The following CNBD1 variants were observed in gnomAD, a reference collection of about 807,000 sequenced individuals.
CNBD1 encodes cyclic nucleotide-binding domain-containing protein 1.
A neutral mutation model predicts 54.4 loss-of-function variants in CNBD1; 71 were observed. That is an observed-to-expected ratio of 1.30 (90% CI 1.08 to 1.59). CNBD1 has a LOEUF of 1.59. CNBD1 is among the 40% of genes most tolerant of loss of function. CNBD1 has a pLI of 0.00. For missense variants in CNBD1, 659 were observed against 518.0 expected (o/e 1.27, Z -2.64); for synonymous variants, 182 against 170.7 (o/e 1.07, Z -0.51).
intron 4 of CNBD1, among the ~76,000 whole-genome samples, chr8:87,081,806 T>A (rs1810999947): frequency 6.6e-6 from 1 of 152,058 alleles, no homozygotes; most frequent in Admixed American, 6.6e-5. Context: ...ACGCCTGGCC[T>A]GGATGGACTG....
At chr8:87,027,897 A>G (rs1809687382) in intron 4 of CNBD1, among the ~76,000 whole-genome samples, 1 of 152,188 alleles carries the variant, frequency 6.6e-6, no homozygotes, top group Non-Finnish European at 1.5e-5. Context: ...GTGTGTCCAA[A>G]CGGAAACAGT....
At chr8:87,192,017 G>A (rs1813620746) in intron 4 of CNBD1, among the ~76,000 whole-genome samples, 1 of 152,108 alleles carries the variant, frequency 6.6e-6, no homozygotes, top group African/African-American at 2.4e-5. Context: ...ATATTTCTAT[G>A]TTATTGAGAA....
At chr8:87,083,166 G>A (rs559128619) in intron 4 of CNBD1, among the ~76,000 whole-genome samples, 1 of 152,236 alleles carries the variant, frequency 6.6e-6, no homozygotes, top group East Asian at 1.9e-4. Flanking sequence ...TGACAAAGAA[G>A]AAAATCAAAA....
At chr8:87,183,203 T>C (rs911679778) in intron 4 of CNBD1, among the ~76,000 whole-genome samples, 1 of 152,102 alleles carries the variant, frequency 6.6e-6, no homozygotes, top group African/African-American at 2.4e-5. Flanking sequence ...AAAGAACAGA[T>C]GGTTGTAGGT....
At chr8:86,883,465 A>T (rs1360854892) in intron 1 of CNBD1, among the ~76,000 whole-genome samples, 8 of 152,198 alleles carry the variant, frequency 5.3e-5, no homozygotes, top group Non-Finnish European at 1.0e-4. Context: ...CAAAAAGAGG[A>T]TCTAAGCTGA....
intron 6 of CNBD1, among the ~76,000 whole-genome samples, chr8:87,239,256 A>C (rs1216868865): frequency 1.3e-5 from 2 of 152,192 alleles, no homozygotes; most frequent in Non-Finnish European, 2.9e-5. Flanking sequence ...GATTACTGAT[A>C]AACTTATTTC....
In CNBD1 at chr8:87,382,732, A is replaced by C. The variant is rs1227142089; in HGVS notation, c.*105A>C. 8 of 816,260 alleles carry C rather than the reference A, an allele frequency of 9.8e-6. No individual in the cohort carries two copies. In the East Asian group the frequency reaches 2.2e-4, roughly 23 times the overall value. 50.6% of individuals were successfully genotyped at this position (816,260 alleles called of 1,614,324 possible). A position where few individuals can be genotyped will look rare whatever the true frequency, so the allele number is the denominator to read the frequency against. On this transcript the variant is annotated 3_prime_UTR_variant, in exon 11 of 11. Coordinates refer to ENST00000518476, the MANE Select transcript of CNBD1 (RefSeq NM_173538.3). ...AAACTACCAGCAATGAATTTGGTCTATTGTGACTACATATCCTGGATTCCC... is the reference window on the plus strand; with the variant it reads ...AAACTACCAGCAATGAATTTGGTCTCTTGTGACTACATATCCTGGATTCCC...
At chr8:87,296,380 T>G (rs1168547172) in intron 8 of CNBD1, among the ~76,000 whole-genome samples, 1 of 152,038 alleles carries the variant, frequency 6.6e-6, no homozygotes, top group Non-Finnish European at 1.5e-5. Context: ...AGTAGTCAGT[T>G]AGGTATGTAG....
chr8:87,304,451 A>C (rs905801954), intron 8 of CNBD1, among the ~76,000 whole-genome samples: 2 of 151,886 alleles, frequency 1.3e-5, no homozygotes, highest in African/African-American at 4.8e-5. Context: ...ACACATGGAC[A>C]CAGGAAGGGG....
rs1037662448 is a variant in CNBD1, at chr8:87,198,645, A to G, written c.432-7348A>G. On this transcript the variant is annotated intron_variant, in intron 4 of 10. Transcript: ENST00000518476. Reference sequence around the variant, plus strand: ...GCATGACAACACACAACTTTTGCCAATCAGCAGAAGTTTTTATAGAAATAT... The same window carrying G: ...GCATGACAACACACAACTTTTGCCAGTCAGCAGAAGTTTTTATAGAAATAT... 2.0e-5 allele frequency among the ~76,000 whole-genome samples: 3 copies of G among 152,312 alleles called. No homozygotes were observed. In the South Asian group the frequency reaches 6.2e-4, roughly 32 times the overall value.
chr8:87,087,466 T>C (rs1811123831), intron 4 of CNBD1, among the ~76,000 whole-genome samples: 1 of 145,202 alleles, frequency 6.9e-6, no homozygotes. Flanking sequence ...GTACATTCTT[T>C]TTTTTTTTTT....
intron 3 of CNBD1, among the ~76,000 whole-genome samples, chr8:86,918,660 T>G (rs1054337349): frequency 6.6e-6 from 1 of 151,994 alleles, no homozygotes; most frequent in African/African-American, 2.4e-5. Flanking sequence ...GCCTTTTGCC[T>G]TCTGCCATGA....
chr8:87,379,523 C>T (rs930116744), intron 10 of CNBD1, among the ~76,000 whole-genome samples: 1 of 151,872 alleles, frequency 6.6e-6, no homozygotes, highest in Non-Finnish European at 1.5e-5. Context: ...GAATTTATAA[C>T]AAACTATCTC....
chr8:87,316,232 A>C (rs1212598301), intron 8 of CNBD1, among the ~76,000 whole-genome samples: 1 of 152,046 alleles, frequency 6.6e-6, no homozygotes, highest in African/African-American at 2.4e-5. Flanking sequence ...AATGACTCTT[A>C]CCAACGAATA....
chr8:87,126,890 A>C (rs1812000629), intron 4 of CNBD1, among the ~76,000 whole-genome samples: 1 of 151,848 alleles, frequency 6.6e-6, no homozygotes, highest in Non-Finnish European at 1.5e-5. Context: ...TTATTGAAAA[A>C]CTATTATTTT....
chr8:87,363,950 A>G (rs899854843), intron 10 of CNBD1, among the ~76,000 whole-genome samples: 12 of 144,952 alleles, frequency 8.3e-5, no homozygotes, highest in Non-Finnish European at 1.4e-4. Flanking sequence ...CCTGAATGGT[A>G]TTGCCTAGGA....
intron 4 of CNBD1, among the ~76,000 whole-genome samples, chr8:86,952,831 A>G (rs1807660964): frequency 6.6e-6 from 1 of 152,160 alleles, no homozygotes; most frequent in Non-Finnish European, 1.5e-5. Flanking sequence ...ATTGCTCCCA[A>G]GAGTTTCCTT....
At chr8:87,121,248 G>A (rs1282357500) in intron 4 of CNBD1, among the ~76,000 whole-genome samples, 1 of 151,540 alleles carries the variant, frequency 6.6e-6, no homozygotes, top group Non-Finnish European at 1.5e-5. Context: ...GTCAAATCAT[G>A]AAATAAATTT....
intron 4 of CNBD1, among the ~76,000 whole-genome samples, chr8:86,971,025 A>C (rs1808208268): frequency 6.6e-6 from 1 of 152,176 alleles, no homozygotes; most frequent in South Asian, 2.1e-4. Flanking sequence ...GGACATTTCA[A>C]TTATAATTAT....
Sources: gnomAD v4.1 joint callset for allele counts (sites outside exome capture counted in the v4.1 genomes callset) on GRCh38, gnomAD v4.1.1 for gene constraint, MANE v1.5 for transcripts, NCBI Gene and HGNC (gene_info 2026-07-23, HGNC 2026-07-21) for gene names.